CALN1: variants seen among roughly 807,000 people sequenced by gnomAD.
The protein encoded by CALN1 is calneuron 1, also known as calcium-binding protein 8.
CALN1 carries 17 observed loss-of-function variants against 30.6 expected under a neutral mutation model. The ratio of observed to expected loss-of-function variants is 0.56; its 90% confidence interval spans 0.38 to 0.83. The LOEUF (loss-of-function observed/expected upper bound fraction) is 0.83, where lower values mean the gene tolerates loss of function less well. Among genes scored for constraint, CALN1 ranks in the 40% least tolerant of loss-of-function variants. CALN1 has a pLI of 0.00. For synonymous variants in CALN1, 156 were observed against 131.4 expected (o/e 1.19, Z -1.28); for missense variants, 291 against 354.9 (o/e 0.82, Z 1.45).
intron 5 of CALN1, among the ~76,000 whole-genome samples, chr7:71,863,713 G>C (rs889919749): frequency 1.3e-5 from 2 of 152,106 alleles, no homozygotes; most frequent in Non-Finnish European, 1.5e-5. Context: ...ACAACTGACT[G>C]TAAGATTAAG....
At position 72,080,306 on chromosome 7, in the gene CALN1, T is replaced by C. The variant is rs140129253; in HGVS notation, c.388+25845A>G. Among the ~76,000 whole-genome samples the C allele has an allele frequency of 1.3e-4, 20 of 152,306 alleles. No individual in the cohort carries two copies. The East Asian group carries it at 3.9e-3, about 29-fold the overall frequency. ...TAGCCTTATCTTTGGGGAAGTGGAT[T>C]TGGCAGCTGTTCTCCTGCCTCCTCA... is the stretch of plus-strand genomic sequence containing the variant. On this transcript the variant is annotated intron_variant, in intron 4 of 6. Coordinates refer to ENST00000395275, the MANE Select transcript of CALN1 (RefSeq NM_031468.4).
At chr7:72,217,742 C>T in intron 3 of CALN1, among the ~76,000 whole-genome samples, 1 of 150,898 alleles carries the variant, frequency 6.6e-6, no homozygotes, top group East Asian at 2.0e-4. Flanking sequence ...CTATGGGAGG[C>T]TTAGGTGGGA....
chr7:72,411,655 G>A (rs952965319), intron 1 of CALN1, among the ~76,000 whole-genome samples: 9 of 152,156 alleles, frequency 5.9e-5, no homozygotes, highest in African/African-American at 1.9e-4. Context: ...AGTCTTGTCA[G>A]GCCTAAAAGT....
At chr7:71,979,858 A>C (rs1798298410) in intron 5 of CALN1, among the ~76,000 whole-genome samples, 1 of 146,926 alleles carries the variant, frequency 6.8e-6, no homozygotes, top group Non-Finnish European at 1.5e-5. Context: ...AATCTCAGAC[A>C]CATCAGGATT....
chr7:72,043,266 G>T (rs1563004038), intron 4 of CALN1, among the ~76,000 whole-genome samples: 2 of 152,070 alleles, frequency 1.3e-5, no homozygotes, highest in South Asian at 2.1e-4. Flanking sequence ...TCACACAGCT[G>T]GTCAAAGTAA....
At chr7:71,973,268 C>T (rs374850335) in intron 5 of CALN1, among the ~76,000 whole-genome samples, 6 of 152,130 alleles carry the variant, frequency 3.9e-5, no homozygotes, top group East Asian at 1.9e-4. Flanking sequence ...CTCTGCCTCC[C>T]GGGTTCAAGC....
intron 5 of CALN1, among the ~76,000 whole-genome samples, chr7:71,903,051 ACTT>A (rs984549008): frequency 6.6e-6 from 1 of 151,926 alleles, no homozygotes. Flanking sequence ...AAAAATTTTT[ACTT>A]TTTTTTAAAA....
chr7:72,221,764 C>A (rs1288826363), intron 3 of CALN1, among the ~76,000 whole-genome samples: 1 of 151,498 alleles, frequency 6.6e-6, no homozygotes, highest in Non-Finnish European at 1.5e-5. Flanking sequence ...GTGGCATGTG[C>A]CTGTAATCCC....
At chr7:71,938,959 A>G (rs1272987676) in intron 5 of CALN1, among the ~76,000 whole-genome samples, 2 of 152,158 alleles carry the variant, frequency 1.3e-5, no homozygotes, top group African/African-American at 4.8e-5. Context: ...CATCAATTCA[A>G]TGCATTCAGT....
At chr7:72,361,180 A>G (rs1256365693) in intron 2 of CALN1, among the ~76,000 whole-genome samples, 4 of 152,094 alleles carry the variant, frequency 2.6e-5, no homozygotes, top group South Asian at 2.1e-4. Flanking sequence ...GAAGCATCAA[A>G]TATCTCCAAA....
chr7:71,849,085 T>A (rs1790488087), intron 5 of CALN1, among the ~76,000 whole-genome samples: 1 of 152,202 alleles, frequency 6.6e-6, no homozygotes. Context: ...GGTGTTTAAC[T>A]CAATGGGATA....
intron 2 of CALN1, among the ~76,000 whole-genome samples, chr7:72,368,157 G>GTA (rs150410575): frequency 0.025 from 3,792 of 150,624 alleles, 147 homozygotes; most frequent in African/African-American, 0.084. Context: ...CTATGTGTGT[G>GTA]TATATATATA....
intron 5 of CALN1, among the ~76,000 whole-genome samples, chr7:72,018,688 T>C (rs1412142073): frequency 1.3e-5 from 2 of 152,156 alleles, no homozygotes; most frequent in African/African-American, 4.8e-5. Flanking sequence ...TGTTAATCAA[T>C]TTCCTGCAAA....
chr7:71,895,224 G>T (rs2116905401), intron 5 of CALN1, among the ~76,000 whole-genome samples: 1 of 152,122 alleles, frequency 6.6e-6, no homozygotes, highest in Non-Finnish European at 1.5e-5. Flanking sequence ...CAAAATGTTG[G>T]GATTACATAC....
At chr7:72,279,007 A>G (rs926967497) in intron 2 of CALN1, among the ~76,000 whole-genome samples, 197 bp from the exon 3 acceptor site, 4 of 152,182 alleles carry the variant, frequency 2.6e-5, no homozygotes, top group Admixed American at 2.0e-4. Flanking sequence ...GGTTTTTCCC[A>G]TTCCTTCACT....
At chr7:72,232,314 A>G (rs529775520) in intron 3 of CALN1, among the ~76,000 whole-genome samples, 1 of 152,238 alleles carries the variant, frequency 6.6e-6, no homozygotes, top group Non-Finnish European at 1.5e-5. Context: ...GAAGAAGACA[A>G]CTAATTGAAC....
chr7:72,374,393 G>A (rs1804419908), intron 2 of CALN1, among the ~76,000 whole-genome samples: 1 of 151,972 alleles, frequency 6.6e-6, no homozygotes, highest in African/African-American at 2.4e-5. Context: ...ACCGGGTGTG[G>A]TGGAGGGCGC....
chr7:72,077,557 A>C (rs1804834933), intron 4 of CALN1, among the ~76,000 whole-genome samples: 1 of 152,192 alleles, frequency 6.6e-6, no homozygotes, highest in Admixed American at 6.5e-5. Flanking sequence ...TACAGGCATG[A>C]GCCACTGTGC....
intron 1 of CALN1, among the ~76,000 whole-genome samples, chr7:72,411,465 G>C (rs544779050): frequency 3.9e-5 from 6 of 152,230 alleles, no homozygotes; most frequent in Admixed American, 2.6e-4. Context: ...CTGAAATCTA[G>C]TTTGAATAAA....
Sources: allele counts gnomAD v4.1 joint callset (sites outside exome capture counted in the v4.1 genomes callset), GRCh38; gene constraint gnomAD v4.1.1; transcripts MANE v1.5; gene names NCBI Gene and HGNC (gene_info 2026-07-23, HGNC 2026-07-21).